Variants in EYS observed in about 807,000 individuals in gnomAD.
EYS encodes the protein EGF-like photoreceptor maintenance factor.
EYS carries 250 observed loss-of-function variants against 282.1 expected under a neutral mutation model. The observed-to-expected ratio is 0.89, with a 90% CI of 0.80 to 0.98. The LOEUF (loss-of-function observed/expected upper bound fraction) is 0.98, where lower values mean the gene tolerates loss of function less well. Among genes scored for constraint, EYS ranks in the 50% least tolerant of loss-of-function variants. EYS has a pLI of 0.00. For missense variants in EYS, 4,016 were observed against 3,709.0 expected (o/e 1.08, Z -2.15); for synonymous variants, 1,355 against 1,282.9 (o/e 1.06, Z -1.20).
intron 28 of EYS, among the ~76,000 whole-genome samples, chr6:64,419,075 T>A (rs2150449574): frequency 6.6e-6 from 1 of 152,308 alleles, no homozygotes; most frequent in East Asian, 1.9e-4. Context: ...ATGGCTCCCA[T>A]CTGAGTTCCT....
chr6:65,162,751 C>T (rs1006695078), intron 12 of EYS, among the ~76,000 whole-genome samples: 1 of 150,954 alleles, frequency 6.6e-6, no homozygotes, highest in African/African-American at 2.4e-5. Flanking sequence ...TTTAGGTGCT[C>T]TGTGCCCTAA....
intron 24 of EYS, among the ~76,000 whole-genome samples, chr6:64,596,310 A>G (rs1212585735): frequency 6.6e-6 from 1 of 152,188 alleles, no homozygotes; most frequent in Non-Finnish European, 1.5e-5. Flanking sequence ...TACAGATTCA[A>G]AGAAATCTCT....
intron 35 of EYS, among the ~76,000 whole-genome samples, chr6:63,961,479 C>A (rs1766057589): frequency 2.6e-5 from 4 of 151,916 alleles, no homozygotes; most frequent in Non-Finnish European, 5.9e-5. Context: ...TTTTCCACTA[C>A]CCACCCAAAT....
chr6:64,743,217 T>C (rs1321109335), intron 22 of EYS, among the ~76,000 whole-genome samples: 3 of 152,128 alleles, frequency 2.0e-5, no homozygotes, highest in Admixed American at 2.0e-4. Flanking sequence ...ACTTATTTTA[T>C]AGAAATAAGT....
chr6:63,786,790 T>A (rs1238891049), intron 39 of EYS, among the ~76,000 whole-genome samples: 1 of 152,176 alleles, frequency 6.6e-6, no homozygotes, highest in African/African-American at 2.4e-5. Flanking sequence ...CTGTAAAGAT[T>A]TCAATTCAAT....
intron 29 of EYS, among the ~76,000 whole-genome samples, chr6:64,320,405 C>A (rs779564129): frequency 6.6e-5 from 10 of 151,790 alleles, no homozygotes; most frequent in Non-Finnish European, 1.5e-4. Flanking sequence ...TTTCTTTCAG[C>A]ATAGTTTCTA....
At chr6:65,408,072 T>A (rs1211001885) in intron 5 of EYS, among the ~76,000 whole-genome samples, 1 of 152,146 alleles carries the variant, frequency 6.6e-6, no homozygotes. Context: ...CTTTATTATA[T>A]TAATATGGTA....
At chr6:64,004,050 G>C (rs1768221441) in intron 33 of EYS, among the ~76,000 whole-genome samples, 2 of 152,146 alleles carry the variant, frequency 1.3e-5, no homozygotes, top group Non-Finnish European at 1.5e-5. Context: ...CTAATACACA[G>C]AACACTGAAA....
intron 12 of EYS, among the ~76,000 whole-genome samples, chr6:65,293,262 T>TAA (rs57370381): frequency 3.8e-4 from 55 of 146,556 alleles, no homozygotes; most frequent in African/African-American, 9.9e-4. Context: ...GAATATTAAC[T>TAA]AAAAAAAAAA....
rs183700519 is a variant in EYS at position 64,396,048 on chromosome 6, A to G, written c.5928-7208T>C. ...ACTACCTAGACTACTCCACCACAAC[A>G]TACACAAGCATGCACACACATGCAC... On this transcript the variant is annotated intron_variant, in intron 28 of 42. Transcript: ENST00000503581. Among the ~76,000 whole-genome samples the G allele has an allele frequency of 3.0e-4, 45 of 152,186 alleles. No homozygotes were observed. The South Asian group carries it at 4.6e-3, about 15-fold the overall frequency.
intron 29 of EYS, among the ~76,000 whole-genome samples, chr6:64,386,419 C>T (rs1161341038): frequency 6.6e-6 from 1 of 152,136 alleles, no homozygotes; most frequent in African/African-American, 2.4e-5. Context: ...AGAGCTTGTG[C>T]AGGGGAGCCC....
At chr6:65,658,590 C>A (rs1767902535) in intron 1 of EYS, among the ~76,000 whole-genome samples, 1 of 151,632 alleles carries the variant, frequency 6.6e-6, no homozygotes, top group South Asian at 2.1e-4. Flanking sequence ...TTTGAGTGAT[C>A]AATCTACTCA....
intron 41 of EYS, among the ~76,000 whole-genome samples, chr6:63,738,509 T>G (rs917893531): frequency 2.0e-5 from 3 of 146,642 alleles, no homozygotes; most frequent in Non-Finnish European, 4.5e-5. Context: ...ACACCCCATA[T>G]TCTCACTCAT....
chr6:63,783,994 C>T (rs1033852963), intron 39 of EYS, among the ~76,000 whole-genome samples: 4 of 151,926 alleles, frequency 2.6e-5, no homozygotes, highest in African/African-American at 9.7e-5. Context: ...CTAAATGGAA[C>T]AAAAAAGAGG....
At chr6:65,065,108 C>G (rs1773706229) in intron 12 of EYS, among the ~76,000 whole-genome samples, 1 of 152,076 alleles carries the variant, frequency 6.6e-6, no homozygotes, top group African/African-American at 2.4e-5. Flanking sequence ...CGTGCTGAGC[C>G]TTCAGGTGTC....
At chr6:64,354,014 T>A (rs1375484502) in intron 29 of EYS, among the ~76,000 whole-genome samples, 1 of 151,586 alleles carries the variant, frequency 6.6e-6, no homozygotes, top group Non-Finnish European at 1.5e-5. Flanking sequence ...GGCAAAAGGC[T>A]TGCTTGAACA....
At chr6:64,284,009 T>C (rs900702752) in intron 30 of EYS, among the ~76,000 whole-genome samples, 4 of 152,104 alleles carry the variant, frequency 2.6e-5, no homozygotes, top group African/African-American at 9.7e-5. Context: ...AGCCAAACCA[T>C]ATCATTCCAC....
intron 30 of EYS, among the ~76,000 whole-genome samples, chr6:64,279,572 T>A (rs1166603302): frequency 6.6e-6 from 1 of 152,150 alleles, no homozygotes; most frequent in Admixed American, 6.5e-5. Flanking sequence ...ATTTCCTACG[T>A]CTTGGAAGTA....
chr6:65,002,002 A>G (rs566771587), intron 13 of EYS, among the ~76,000 whole-genome samples: 2 of 146,954 alleles, frequency 1.4e-5, no homozygotes, highest in African/African-American at 4.9e-5. Context: ...TTGCATTTTC[A>G]TATCTTAGAA....
Sources: gnomAD v4.1 joint callset for allele counts (sites outside exome capture counted in the v4.1 genomes callset) on GRCh38, gnomAD v4.1.1 for gene constraint, MANE v1.5 for transcripts, NCBI Gene and HGNC (gene_info 2026-07-23, HGNC 2026-07-21) for gene names.